DDX21: variants seen among roughly 807,000 people sequenced by gnomAD.
The protein encoded by DDX21 is DExD-box helicase 21.
Under a neutral mutation model 90.0 loss-of-function variants are expected in DDX21, and 18 were observed. The ratio of observed to expected loss-of-function variants is 0.20; its 90% CI spans 0.14 to 0.30. The LOEUF (loss-of-function observed/expected upper bound fraction) is 0.30, where lower values mean the gene tolerates loss of function less well. DDX21 is among the 10% of genes least tolerant of loss of function. The pLI is 1.00. For synonymous variants in DDX21, 294 were observed against 318.0 expected (o/e 0.92, Z 0.80); for missense variants, 673 against 944.5 (o/e 0.71, Z 3.77).
At chr10:68,958,814 A>G (rs1420649896) in intron 1 of DDX21, among the ~76,000 whole-genome samples, 6 of 152,002 alleles carry the variant, frequency 3.9e-5, no homozygotes, top group African/African-American at 7.3e-5. Flanking sequence ...GCCTCAAACA[A>G]TCCTCCTGCC....
intron 2 of DDX21, 60 bp from the exon 3 acceptor site, chr10:68,962,022 G>A: frequency 7.6e-7 from 1 of 1,311,054 alleles, no homozygotes; most frequent in South Asian, 1.3e-5. Flanking sequence ...TTCTCAGAAG[G>A]TTCTCTATTA....
intron 4 of DDX21, among the ~76,000 whole-genome samples, chr10:68,964,745 G>A (rs150759409): frequency 9.7e-4 from 137 of 140,662 alleles, no homozygotes; most frequent in African/African-American, 3.5e-3. Context: ...CCTCTGCCTC[G>A]CAGGTTTAAG....
chr10:68,965,323 A>T, intron 4 of DDX21, 54 bp from the exon 5 acceptor site: 1 of 1,434,570 alleles, frequency 7.0e-7, no homozygotes, highest in Admixed American at 1.7e-5. Flanking sequence ...TAAGGACTAG[A>T]TTAAGAAACA....
At position 68,963,292 on chromosome 10, in the gene DDX21, C is replaced by T. The variant is rs1398434321; in HGVS notation, c.609C>T (p.Gly203=). ...ISEETIKLLK[G]RGVTFLFPIQ... ...ATAACACAGTTAATTTGTTCATAGG[C>T]CGAGGAGTGACCTTCCTATTTCCTA... Residue 203 remains glycine (G), a splice_region_variant and synonymous_variant, in exon 4 of 15, where the codon GGC becomes GGT. Transcript: ENST00000354185. 2.5e-6 allele frequency: 4 copies of T among 1,608,324 alleles called. No individual in the cohort carries two copies. Among genetic ancestry groups the T allele is most frequent in the East Asian group, 2.2e-5 (1 of 44,806 alleles).
rs149390400 is a variant in DDX21 at position 68,972,983 on chromosome 10, G to A, written c.1549-562G>A. On this transcript the variant is annotated intron_variant, in intron 9 of 14. Transcript: ENST00000354185. Reference sequence around the variant, plus strand: ...ACGAATCACTTAAGGTCAGGAGTTCGAGACCAGCCTGGCCAATATGGTGAA... The same window carrying A: ...ACGAATCACTTAAGGTCAGGAGTTCAAGACCAGCCTGGCCAATATGGTGAA... 2.1e-3 allele frequency among the ~76,000 whole-genome samples: 317 copies of A among 152,178 alleles called. 2 individuals carry two copies. The highest frequency in any genetic ancestry group is 7.3e-3 in the African/African-American group (302 of 41,520).
rs1485584768 is a variant in DDX21 at position 68,962,130 on chromosome 10, T to A, written c.580T>A (p.Ser194Thr). ...AGGCGCTTTCTCTAATTTTCCCATA[T>A]CTGAAGAAACTATTAAACTTCTCAA... is the stretch of plus-strand genomic sequence containing the variant. ...KEGAFSNFPI[S>T]EETIKLLKGR... The change falls in exon 3 of 15, where the codon TCT becomes ACT. Residue 194 changes from serine to threonine, a missense_variant. Physicochemically the swap from Ser to Thr is moderately conservative, Grantham distance 58. Around this residue, in one of 4 missense-constraint regions of DDX21, gnomAD observed 204 missense variants for 221.6 expected, o/e 0.92. Transcript: ENST00000354185. 1 of 1,612,200 alleles carries A rather than the reference T, an allele frequency of 6.2e-7. No individual in the cohort carries two copies. Among genetic ancestry groups the A allele is most frequent in the South Asian group, 1.1e-5 (1 of 90,888 alleles).
chr10:68,960,061 A>ACCT lies in DDX21; in HGVS notation c.344_345insCTC (p.Thr115_Lys116insSer), dbSNP rs773099188. On this transcript the variant is annotated inframe_insertion, in exon 2 of 15. Coordinates refer to ENST00000354185, the MANE Select transcript of DDX21 (RefSeq NM_004728.4). Reference sequence around the variant, plus strand: ...GGTTTCTTCTAAAACCAAAAAAGTGACAAAAAATGAGGAGCCTTCTGAGGA... The same window carrying ACCT: ...GGTTTCTTCTAAAACCAAAAAAGTGACCTCAAAAAATGAGGAGCCTTCTGAGGA... The ACCT allele has an allele frequency of 6.2e-7, 1 of 1,604,558 alleles. No homozygotes were observed. The highest frequency in any genetic ancestry group is 8.5e-7 in the Non-Finnish European group (1 of 1,178,028).
chr10:68,976,509 A>G (rs565744834), intron 11 of DDX21, among the ~76,000 whole-genome samples: 77 of 152,182 alleles, frequency 5.1e-4, no homozygotes, highest in Non-Finnish European at 9.4e-4. Flanking sequence ...GGATGGTCTC[A>G]ATCTCCTGAC....
intron 12 of DDX21, among the ~76,000 whole-genome samples, chr10:68,977,948 AAAAT>A (rs1478637605): frequency 6.6e-6 from 1 of 151,786 alleles, no homozygotes; most frequent in African/African-American, 2.4e-5. Flanking sequence ...TCTCTACAAA[AAAAT>A]AAAAAAAAAA....
At chr10:68,975,773 G>C (rs1279671895) in intron 11 of DDX21, among the ~76,000 whole-genome samples, 1 of 152,098 alleles carries the variant, frequency 6.6e-6, no homozygotes, top group Non-Finnish European at 1.5e-5. Flanking sequence ...ATTAGGCCGG[G>C]TGCGGTGGCT....
chr10:68,962,109 G>A lies in DDX21; in HGVS notation c.559G>A (p.Ala187Thr), dbSNP rs762463734. The change falls in exon 3 of 15, where the codon GCT becomes ACT. Residue 187 changes from alanine (A) to threonine (T), a missense_variant. This residue lies in a region of DDX21 where 204 missense variants were observed against 221.6 expected (regional missense o/e 0.92). Transcript: ENST00000354185. ...AATACCTGTGGAACAAAAAGAAGGC[G>A]CTTTCTCTAATTTTCCCATATCTGA... is the stretch of plus-strand genomic sequence containing the variant. ...QEIPVEQKEG[A>T]FSNFPISEET... The A allele has an allele frequency of 3.5e-5, 57 of 1,612,418 alleles. No homozygotes were observed. The highest frequency in any genetic ancestry group is 1.0e-4 in the Admixed American group (6 of 59,868).
At chr10:68,981,450 C>CT (rs1457313178) in intron 13 of DDX21, 87 bp from the exon 14 acceptor site, 122 of 1,246,142 alleles carry the variant, frequency 9.8e-5, no homozygotes, top group Middle Eastern at 2.0e-4. Context: ...TTTTTGTTTT[C>CT]TTTTTTTTAA....
rs745835122 is a variant in DDX21, at chr10:68,985,045, CATA to C, written c.*2238_*2240del. On this transcript the variant is annotated 3_prime_UTR_variant, in exon 15 of 15. Coordinates refer to ENST00000354185, the MANE Select transcript of DDX21 (RefSeq NM_004728.4). The stretch of plus-strand genomic sequence containing the variant: ...TAATGTATAAAATACTGCTGTATAC[CATA>C]ATAAAGATAGTAATACTTGATTTTA... 2.3e-4 allele frequency: 35 copies of C among 151,822 alleles called. No homozygotes were observed. Among genetic ancestry groups the C allele is most frequent in the Non-Finnish European group, 4.6e-4 (31 of 67,914 alleles). 9.4% of individuals were successfully genotyped at this position (151,822 alleles called of 1,614,324 possible).
Position 68,962,109 on chromosome 10 carries a change from G to T in DDX21, c.559G>T (p.Ala187Ser), listed in dbSNP as rs762463734. The T allele has an allele frequency of 6.2e-7, 1 of 1,612,536 alleles. No individual in the cohort carries two copies. The highest frequency in any genetic ancestry group is 8.5e-7 in the Non-Finnish European group (1 of 1,179,172). ...AATACCTGTGGAACAAAAAGAAGGC[G>T]CTTTCTCTAATTTTCCCATATCTGA... ...QEIPVEQKEGAFSNFPISEET... is the reference protein window; with the variant it reads ...QEIPVEQKEGSFSNFPISEET... Residue 187 changes from alanine (A) to serine (S), a missense_variant, in exon 3 of 15, where the codon GCT becomes TCT. Around this residue, in one of 4 missense-constraint regions of DDX21, gnomAD observed 204 missense variants for 221.6 expected, o/e 0.92. Coordinates refer to ENST00000354185, the MANE Select transcript of DDX21 (RefSeq NM_004728.4).
At chr10:68,958,026 ATTTT>A (rs1842823035) in intron 1 of DDX21, among the ~76,000 whole-genome samples, 1 of 152,124 alleles carries the variant, frequency 6.6e-6, no homozygotes, top group African/African-American at 2.4e-5. Flanking sequence ...TAACTTATTT[ATTTT>A]ATTTTAAATT....
chr10:68,980,283 T>A (rs1843167397), intron 13 of DDX21, among the ~76,000 whole-genome samples: 1 of 152,162 alleles, frequency 6.6e-6, no homozygotes, highest in East Asian at 1.9e-4. Flanking sequence ...TCCTCCAAAG[T>A]AGCTTTTATG....
intron 12 of DDX21, 89 bp from the exon 13 acceptor site, chr10:68,978,753 A>G (rs749463087): frequency 6.5e-5 from 97 of 1,500,942 alleles, no homozygotes; most frequent in Non-Finnish European, 8.3e-5. Context: ...TAACTTTTCA[A>G]GAAATATTTT....
chr10:68,974,858 G>C, intron 11 of DDX21, 115 bp downstream of exon 11: 2 of 741,642 alleles, frequency 2.7e-6, no homozygotes, highest in Non-Finnish European at 4.3e-6. Context: ...TTTTGAGACA[G>C]GGTCTCACTA....
intron 3 of DDX21, 79 bp downstream of exon 3, chr10:68,962,236 A>ACACT (rs1842881113): frequency 3.7e-6 from 4 of 1,092,394 alleles, no homozygotes; most frequent in Admixed American, 2.0e-5. Flanking sequence ...GTTAAGATGA[A>ACACT]CCAGGATGTA....
Sources: allele counts gnomAD v4.1 joint callset (sites outside exome capture counted in the v4.1 genomes callset), GRCh38; gene constraint gnomAD v4.1.1; regional missense constraint gnomAD v4.1.1; transcripts MANE v1.5; gene names NCBI Gene and HGNC (gene_info 2026-07-23, HGNC 2026-07-21).